The following ATRNL1 variants were observed in gnomAD, a reference collection of about 807,000 sequenced individuals.
ATRNL1 encodes attractin like 1, also known as attractin-like protein 1.
ATRNL1 carries 95 observed loss-of-function variants against 182.7 expected under a neutral mutation model. That is an observed-to-expected ratio of 0.52 (90% CI 0.44 to 0.62). The LOEUF is 0.62. ATRNL1 is among the 20% of genes least tolerant of loss of function. The pLI is 0.00. For missense variants in ATRNL1, 1,471 were observed against 1,679.5 expected (o/e 0.88, Z 2.17); for synonymous variants, 576 against 568.3 (o/e 1.01, Z -0.19).
intron 26 of ATRNL1, among the ~76,000 whole-genome samples, chr10:115,684,181 G>T (rs1555045596): frequency 6.6e-6 from 1 of 151,258 alleles, no homozygotes; most frequent in African/African-American, 2.4e-5. Flanking sequence ...TCATTAGCAA[G>T]GGCTTATAAT....
intron 28 of ATRNL1, among the ~76,000 whole-genome samples, chr10:115,867,185 A>G (rs1951458974): frequency 6.6e-6 from 1 of 152,190 alleles, no homozygotes; most frequent in African/African-American, 2.4e-5. Flanking sequence ...GTTAATGTTG[A>G]GCTGGTAATG....
intron 26 of ATRNL1, among the ~76,000 whole-genome samples, chr10:115,717,290 A>G (rs1246842592): frequency 1.3e-5 from 2 of 152,214 alleles, no homozygotes; most frequent in South Asian, 2.1e-4. Context: ...ATAGGAATGG[A>G]CTGTCTGAGA....
chr10:115,117,289 C>CTCAT lies in ATRNL1; in HGVS notation c.294-2881_294-2878dup, dbSNP rs1317666417. Among the ~76,000 whole-genome samples, 3 of 151,816 alleles carry CTCAT rather than the reference C, an allele frequency of 2.0e-5. 1 individual carries two copies. In the East Asian group the frequency reaches 5.8e-4, roughly 29 times the overall value. The stretch of plus-strand genomic sequence containing the variant: ...CCCTGTTGTGCTTTCAAATACTAGT[C>CTCAT]TCATTCATTCATTCATTCTATTTTT... On this transcript the variant is annotated intron_variant, in intron 1 of 28. Transcript: ENST00000355044.
Position 115,436,653 on chromosome 10 carries a change from T to C in ATRNL1, c.3322+10351T>C, listed in dbSNP as rs142468111. 2.2e-4 allele frequency among the ~76,000 whole-genome samples: 33 copies of C among 152,254 alleles called. No homozygotes were observed. In the East Asian group the frequency reaches 6.4e-3, roughly 29 times the overall value. On this transcript the variant is annotated intron_variant, in intron 21 of 28. Coordinates refer to ENST00000355044, the MANE Select transcript of ATRNL1 (RefSeq NM_207303.4). ...TTAAATATTTATGTACAAAACAATT[T>C]TATATTAATAATTTCAGTATTCCCA...
At chr10:115,868,888 G>C (rs1298293390) in intron 28 of ATRNL1, among the ~76,000 whole-genome samples, 30 of 130,680 alleles carry the variant, frequency 2.3e-4, no homozygotes, top group Middle Eastern at 4.7e-3. Flanking sequence ...GGAGTGCAGT[G>C]GCGCGATCTC....
chr10:115,625,991 C>T (rs1384327680), intron 26 of ATRNL1, among the ~76,000 whole-genome samples: 1 of 152,146 alleles, frequency 6.6e-6, no homozygotes, highest in Non-Finnish European at 1.5e-5. Flanking sequence ...TTTCTCCAGC[C>T]TGCCTTGCAG....
intron 27 of ATRNL1, among the ~76,000 whole-genome samples, chr10:115,772,082 A>G (rs868958412): frequency 4.6e-5 from 7 of 152,214 alleles, no homozygotes; most frequent in African/African-American, 7.2e-5. Context: ...TCCTTTGACC[A>G]TTATAGGTGT....
intron 26 of ATRNL1, among the ~76,000 whole-genome samples, chr10:115,604,874 C>A (rs1285080963): frequency 6.6e-6 from 1 of 151,966 alleles, no homozygotes; most frequent in Non-Finnish European, 1.5e-5. Context: ...ATGTGGAGAT[C>A]TTATTTTGCT....
chr10:115,300,684 T>C (rs1233950694), intron 16 of ATRNL1, among the ~76,000 whole-genome samples: 4 of 152,164 alleles, frequency 2.6e-5, no homozygotes, highest in African/African-American at 4.8e-5. Context: ...GAAAGGAATA[T>C]TGAATTCTTT....
At chr10:115,653,489 C>G (rs1209990330) in intron 26 of ATRNL1, among the ~76,000 whole-genome samples, 1 of 152,168 alleles carries the variant, frequency 6.6e-6, no homozygotes, top group East Asian at 1.9e-4. Flanking sequence ...CAAACTTTGC[C>G]TTTCCGTTTG....
intron 26 of ATRNL1, among the ~76,000 whole-genome samples, chr10:115,644,430 A>G (rs1386030259): frequency 2.6e-5 from 4 of 152,104 alleles, no homozygotes; most frequent in Non-Finnish European, 5.9e-5. Context: ...TTTTAAACTC[A>G]TTTTTACAGA....
At chr10:115,463,165 C>T (rs1369458158) in intron 22 of ATRNL1, among the ~76,000 whole-genome samples, 6 of 151,682 alleles carry the variant, frequency 4.0e-5, no homozygotes, top group Non-Finnish European at 8.8e-5. Flanking sequence ...TTCCTTTTAA[C>T]GTAGTTCACT....
chr10:115,533,526 A>T (rs1213705774), intron 25 of ATRNL1, among the ~76,000 whole-genome samples: 3 of 151,594 alleles, frequency 2.0e-5, no homozygotes, highest in Non-Finnish European at 4.4e-5. Context: ...GCTGTCTATC[A>T]ATTTTGTTGA....
chr10:115,931,406 A>G (rs1382445357), intron 28 of ATRNL1, among the ~76,000 whole-genome samples: 3 of 152,222 alleles, frequency 2.0e-5, no homozygotes, highest in African/African-American at 7.2e-5. Context: ...ATTTAAAAAT[A>G]AAATGATTAC....
intron 28 of ATRNL1, among the ~76,000 whole-genome samples, chr10:115,937,247 A>C (rs959103058): frequency 3.3e-5 from 5 of 152,220 alleles, no homozygotes; most frequent in African/African-American, 1.2e-4. Flanking sequence ...GAAATTGTAA[A>C]ATATTATGAT....
chr10:115,905,156 T>C (rs1952463559), intron 28 of ATRNL1, among the ~76,000 whole-genome samples: 1 of 152,146 alleles, frequency 6.6e-6, no homozygotes, highest in Non-Finnish European at 1.5e-5. Flanking sequence ...CCAGGGTTAC[T>C]AAAACTGTAG....
intron 1 of ATRNL1, among the ~76,000 whole-genome samples, chr10:115,111,668 A>C (rs1458201159): frequency 6.6e-6 from 1 of 152,128 alleles, no homozygotes; most frequent in Non-Finnish European, 1.5e-5. Context: ...CCATGACCCA[A>C]ACTCTTCTCA....
At chr10:115,519,488 A>T (rs1554984694) in intron 25 of ATRNL1, among the ~76,000 whole-genome samples, 164 bp downstream of exon 25, 2 of 152,142 alleles carry the variant, frequency 1.3e-5, no homozygotes, top group African/African-American at 4.8e-5. Flanking sequence ...GAGAGGTAAC[A>T]TAGCTGAAAT....
At chr10:115,405,716 A>C (rs1047662578) in intron 20 of ATRNL1, among the ~76,000 whole-genome samples, 2 of 151,546 alleles carry the variant, frequency 1.3e-5, no homozygotes, top group Non-Finnish European at 2.9e-5. Flanking sequence ...TTATACTTTA[A>C]GTTTTAGGGT....
Sources: allele counts gnomAD v4.1 joint callset (sites outside exome capture counted in the v4.1 genomes callset), GRCh38; gene constraint gnomAD v4.1.1; transcripts MANE v1.5; gene names NCBI Gene and HGNC (gene_info 2026-07-23, HGNC 2026-07-21).